SAXO1: variants seen among roughly 807,000 people sequenced by gnomAD.
SAXO1 encodes the protein 4930500O09Rik.
In SAXO1, 21 loss-of-function variants were observed where a neutral mutation model predicts 17.5. The ratio of observed to expected loss-of-function variants is 1.20; its 90% confidence interval spans 0.85 to 1.72. The LOEUF (loss-of-function observed/expected upper bound fraction) is 1.72. SAXO1 is among the 40% of genes most tolerant of loss of function. SAXO1 has a pLI of 0.00. For missense variants in SAXO1, 843 were observed against 596.0 expected (o/e 1.41, Z -4.32); for synonymous variants, 274 against 216.5 (o/e 1.27, Z -2.33).
intron 1 of SAXO1, among the ~76,000 whole-genome samples, chr9:18,982,298 T>C (rs182280592): frequency 3.3e-5 from 5 of 152,338 alleles, no homozygotes; most frequent in Admixed American, 2.6e-4. Context: ...AACAGCCTGA[T>C]GAATTTCAAT....
intron 1 of SAXO1, among the ~76,000 whole-genome samples, chr9:18,972,190 C>G (rs139068007): frequency 1.2e-4 from 18 of 152,334 alleles, no homozygotes; most frequent in African/African-American, 4.3e-4. Flanking sequence ...TATACACATA[C>G]AATGGGCATT....
intron 1 of SAXO1, among the ~76,000 whole-genome samples, chr9:18,978,331 C>T (rs896961952): frequency 6.6e-6 from 1 of 152,186 alleles, no homozygotes; most frequent in Non-Finnish European, 1.5e-5. Context: ...CATTGTGAAA[C>T]AGCAAACAGG....
chr9:18,996,021 G>C (rs899210395), intron 1 of SAXO1, among the ~76,000 whole-genome samples: 2 of 150,416 alleles, frequency 1.3e-5, no homozygotes, highest in Non-Finnish European at 2.9e-5. Flanking sequence ...GGAGGTTGCA[G>C]TGACCCAAGA....
At chr9:18,988,128 G>A (rs192278867) in intron 1 of SAXO1, among the ~76,000 whole-genome samples, 39 of 152,278 alleles carry the variant, frequency 2.6e-4, no homozygotes, top group Non-Finnish European at 4.6e-4. Flanking sequence ...ATTTGAAAAA[G>A]CACAGAATGA....
Position 19,027,293 on chromosome 9 carries a change from G to A in SAXO1, c.38+5578C>T. On this transcript the variant is annotated intron_variant, in intron 1 of 3. Transcript: ENST00000380534. ...TTGAAAAGCTAAAGCCAGGAGACCT[G>A]GTGGGTGTGAACAAAGACTCCTATC... The A allele has an allele frequency of 3.4e-6, 3 of 875,588 alleles. No individual in the cohort carries two copies. The South Asian group carries it at 3.9e-5, about 11-fold the overall frequency. 54.2% of individuals were successfully genotyped at this position (875,588 alleles called of 1,614,324 possible). A position where few individuals can be genotyped will look rare whatever the true frequency, so the allele number is the denominator to read the frequency against.
rs2131659357 is a variant in SAXO1, at chr9:18,928,340, C to T, written c.1137G>A (p.Val379=). 1.9e-6 allele frequency: 3 copies of T among 1,612,932 alleles called. No individual in the cohort carries two copies. The highest frequency in any genetic ancestry group is 2.2e-5 in the East Asian group (1 of 44,790). ...TTTTGGTATTGATAGGCAGGTGGGG[C>T]ACATAGTGGGCCCGAGTGGTGGTCA... is the stretch of plus-strand genomic sequence containing the variant. ...DCLTTTRAHY[V]PHLPINTKSC... The change falls in exon 4 of 4, where the codon GTG becomes GTA. Residue 379 remains valine (V), a synonymous_variant. Transcript: ENST00000380534.
chr9:18,939,435 C>T (rs1357981453), intron 3 of SAXO1, among the ~76,000 whole-genome samples: 1 of 152,206 alleles, frequency 6.6e-6, no homozygotes, highest in African/African-American at 2.4e-5. Context: ...TTAAAGGAAG[C>T]ATTAAAAGTA....
intron 1 of SAXO1, among the ~76,000 whole-genome samples, chr9:18,955,431 G>C (rs1832217380): frequency 6.6e-6 from 1 of 152,260 alleles, no homozygotes; most frequent in Non-Finnish European, 1.5e-5. Context: ...GCCACATATG[G>C]TAGTGGCTTC....
In SAXO1 at chr9:18,949,013, G is replaced by T. The variant is rs117579064; in HGVS notation, c.218+1745C>A. Among the ~76,000 whole-genome samples, 201 of 152,208 alleles carry T rather than the reference G, an allele frequency of 1.3e-3. 4 individuals are homozygous for T. The East Asian group carries it at 0.028, about 21-fold the overall frequency. ...GGACTCTTACTTGGTGTTGACCAGG[G>T]TTTCCTAAAACAAAAGCAATGCTCA... On this transcript the variant is annotated intron_variant, in intron 2 of 3. Coordinates refer to ENST00000380534, the MANE Select transcript of SAXO1 (RefSeq NM_153707.4).
intron 1 of SAXO1, among the ~76,000 whole-genome samples, chr9:18,975,622 C>G (rs1267836065): frequency 6.6e-6 from 1 of 152,198 alleles, no homozygotes. Context: ...GGCATAGTGA[C>G]TAGTGAGAAG....
chr9:18,997,722 G>A lies in SAXO1; in HGVS notation c.38+35149C>T, dbSNP rs899895566. Among the ~76,000 whole-genome samples the A allele has an allele frequency of 2.6e-5, 4 of 152,210 alleles. No homozygotes were observed. The South Asian group carries it at 8.3e-4, about 32-fold the overall frequency. The stretch of plus-strand genomic sequence containing the variant: ...AGACACTTCCCAGTAGGGGCTGACA[G>A]ATACTTCATACAGGTGGGTGCCGAT... On this transcript the variant is annotated intron_variant, in intron 1 of 3. Coordinates refer to ENST00000380534, the MANE Select transcript of SAXO1 (RefSeq NM_153707.4).
At chr9:19,046,461 C>A (rs532453113) in intron 1 of SAXO1, among the ~76,000 whole-genome samples, 2 of 151,212 alleles carry the variant, frequency 1.3e-5, no homozygotes, top group Non-Finnish European at 3.0e-5. Flanking sequence ...TTTGGGAGGC[C>A]GAGGCGGGCA....
chr9:18,954,963 T>C (rs1271367047), intron 1 of SAXO1, among the ~76,000 whole-genome samples: 1 of 150,720 alleles, frequency 6.6e-6, no homozygotes, highest in Non-Finnish European at 1.5e-5. Context: ...TAGAATAACA[T>C]CATCCAATGG....
intron 1 of SAXO1, among the ~76,000 whole-genome samples, chr9:18,977,432 C>G (rs924460176): frequency 1.8e-4 from 28 of 152,156 alleles, no homozygotes; most frequent in Admixed American, 1.7e-3. Flanking sequence ...GATGCTGCCG[C>G]TATTATTCTC....
At chr9:18,949,767 C>G (rs1220817332) in intron 2 of SAXO1, among the ~76,000 whole-genome samples, 1 of 152,148 alleles carries the variant, frequency 6.6e-6, no homozygotes, top group Admixed American at 6.5e-5. Context: ...CCATCTGGGA[C>G]CTTTACTAGC....
chr9:19,015,601 C>T (rs1834942190), intron 1 of SAXO1, among the ~76,000 whole-genome samples: 1 of 151,546 alleles, frequency 6.6e-6, no homozygotes, highest in African/African-American at 2.4e-5. Flanking sequence ...CTTCTGCCTC[C>T]CAAAGTGCTG....
At chr9:19,028,392 A>T (rs1052596670) in intron 1 of SAXO1, among the ~76,000 whole-genome samples, 1 of 152,208 alleles carries the variant, frequency 6.6e-6, no homozygotes, top group Non-Finnish European at 1.5e-5. Flanking sequence ...AATAAAAAAT[A>T]AAACTCTTCG....
chr9:18,935,807 T>C (rs1831264398), intron 3 of SAXO1, among the ~76,000 whole-genome samples: 1 of 152,166 alleles, frequency 6.6e-6, no homozygotes, highest in African/African-American at 2.4e-5. Flanking sequence ...ATTGTTTTTA[T>C]TGAAACTCCT....
chr9:19,004,228 G>A (rs956378733), intron 1 of SAXO1, among the ~76,000 whole-genome samples: 4 of 152,176 alleles, frequency 2.6e-5, no homozygotes, highest in Non-Finnish European at 5.9e-5. Flanking sequence ...AAAAAGTCAG[G>A]AAACAACAGT....
Sources: allele counts gnomAD v4.1 joint callset (sites outside exome capture counted in the v4.1 genomes callset), GRCh38; gene constraint gnomAD v4.1.1; transcripts MANE v1.5; gene names NCBI Gene and HGNC (gene_info 2026-07-23, HGNC 2026-07-21).